FXYD2: variants seen among roughly 807,000 people sequenced by gnomAD.
The protein encoded by FXYD2 is FXYD domain containing ion transport regulator 2, also known as sodium/potassium-transporting ATPase subunit gamma.
Under a neutral mutation model 11.8 loss-of-function variants are expected in FXYD2, and 8 were observed. The ratio of observed to expected loss-of-function variants is 0.68; its 90% confidence interval spans 0.40 to 1.22. FXYD2 has a LOEUF of 1.22. Ranked by LOEUF, FXYD2 falls within the 50% of genes most tolerant of loss-of-function variation. The probability of loss-of-function intolerance (pLI) is 0.01; values close to 1 mark genes in which losing one functional copy is unlikely to be tolerated. For missense variants in FXYD2, 92 were observed against 91.8 expected, an observed-to-expected ratio of 1.00 and a Z score of -0.01; for synonymous variants, 42 against 33.3, an observed-to-expected ratio of 1.26 and a Z score of -0.90.
At position 117,824,637 on chromosome 11, in the gene FXYD2, C is replaced by T; in HGVS notation, c.25+17G>A. ...CCAGCATTGCACACGCCCGGGCACGCACACCAGCACACTCACCACCGTCCA... is the reference window on the plus strand; with the variant it reads ...CCAGCATTGCACACGCCCGGGCACGTACACCAGCACACTCACCACCGTCCA... On this transcript the variant is annotated intron_variant, in intron 1 of 5. Transcript: ENST00000292079. The surrounding 1 kb of genome is among the most constrained non-coding windows in gnomAD (Gnocchi z 4.0). 6.2e-7 allele frequency: 1 copy of T among 1,610,474 alleles called. No individual in the cohort carries two copies. Among genetic ancestry groups the T allele is most frequent in the Non-Finnish European group, 8.5e-7 (1 of 1,176,780 alleles).
At chr11:117,824,876 C>G (rs552368760), upstream of FXYD2, 2 of 699,618 alleles carry the variant, frequency 2.9e-6, no homozygotes, top group Non-Finnish European at 5.0e-6. This position sits in a 1 kb window ranked among gnomAD's most constrained non-coding sequence, Gnocchi z 4.0. Context: ...TGAGGACGTG[C>G]GTGGGGAGGC....
At position 117,820,947 on chromosome 11, in the gene FXYD2, C is replaced by A. The variant is rs768418823; in HGVS notation, c.140-52G>T. On this transcript the variant is annotated intron_variant, in intron 3 of 5. Coordinates refer to ENST00000292079, the MANE Select transcript of FXYD2 (RefSeq NM_001680.5). ...TCCATGGACTAATTTTCCAAGGAGA[C>A]CCTGGAAGACTCAAAATTCTTCCAG... 1.9e-5 allele frequency: 30 copies of A among 1,613,904 alleles called. No individual in the cohort carries two copies. The Admixed American group carries it at 5.0e-4, about 27-fold the overall frequency.
rs1375539969 is a variant in FXYD2, at chr11:117,820,848, G to T, written c.176+11C>A. 6.2e-7 allele frequency: 1 copy of T among 1,613,590 alleles called. No homozygotes were observed. The highest frequency in any genetic ancestry group is 8.5e-7 in the Non-Finnish European group (1 of 1,179,970). On this transcript the variant is annotated intron_variant, in intron 4 of 5. Coordinates refer to ENST00000292079, the MANE Select transcript of FXYD2 (RefSeq NM_001680.5). ...CCAACCCCCTCATCGGTCACCCCAGGCAGCGCTCACCTGCGCTTCTTATTG... is the reference window on the plus strand; with the variant it reads ...CCAACCCCCTCATCGGTCACCCCAGTCAGCGCTCACCTGCGCTTCTTATTG...
At chr11:117,821,832 T>C (rs752708978) in intron 3 of FXYD2, 6 of 995,840 alleles carry the variant, frequency 6.0e-6, no homozygotes, top group Non-Finnish European at 7.2e-6. Flanking sequence ...CAGGTGTGCT[T>C]GCTGTATCTT....
upstream of FXYD2, among the ~76,000 whole-genome samples, chr11:117,827,089 T>G (rs112855458): frequency 0.03 from 53 of 1,754 alleles, no homozygotes; most frequent in African/African-American, 0.05. Flanking sequence ...AATAGAGAGA[T>G]AGATAGATAG....
chr11:117,821,494 T>C (rs1264446680), intron 3 of FXYD2: 3 of 986,086 alleles, frequency 3.0e-6, no homozygotes, highest in East Asian at 1.1e-4. Flanking sequence ...GACTGGGCCA[T>C]CATGGTGCCC....
intron 3 of FXYD2, chr11:117,821,520 G>A (rs1237546775): frequency 5.1e-6 from 5 of 985,808 alleles, no homozygotes; most frequent in Non-Finnish European, 6.0e-6. Flanking sequence ...ACAGCTGCCC[G>A]ATGAACACCT....
upstream of FXYD2, among the ~76,000 whole-genome samples, chr11:117,826,784 CT>C (rs2056046477): frequency 1.1e-5 from 1 of 88,540 alleles, no homozygotes; most frequent in African/African-American, 3.6e-5. Context: ...GTCTGTCTAT[CT>C]ATCTATCTAT....
rs2055990162 is a variant in FXYD2, at chr11:117,824,405, G to A, written c.25+249C>T. On this transcript the variant is annotated intron_variant, in intron 1 of 5. Transcript: ENST00000292079. The surrounding 1 kb of genome is among the most constrained non-coding windows in gnomAD (Gnocchi z 4.0). ...GTGTGCCAGGAGGCCGAGGAGGAAC[G>A]CTCAGCTCTCCAGCTTCTATCTGCT... 2.5e-5 allele frequency: 15 copies of A among 604,096 alleles called. No individual in the cohort carries two copies. Among genetic ancestry groups the A allele is most frequent in the South Asian group, 2.4e-4 (13 of 53,062 alleles). The allele number at this position is 604,096 out of a possible 1,614,324, so 37.4% of individuals were successfully genotyped here. A position where few individuals can be genotyped will look rare whatever the true frequency, so the allele number is the denominator to read the frequency against.
chr11:117,822,774 G>T lies in FXYD2; in HGVS notation c.26-57C>A. The T allele has an allele frequency of 6.3e-7, 1 of 1,586,414 alleles. No homozygotes were observed. Among genetic ancestry groups the T allele is most frequent in the East Asian group, 2.3e-5 (1 of 44,104 alleles). ...GTCACCGATGGTGAGCCAGCCACAG[G>T]AACAGCTGGAATTCCCTGTCCTTCC... On this transcript the variant is annotated intron_variant, in intron 1 of 5. Transcript: ENST00000292079. This position sits in a 1 kb window ranked among gnomAD's most constrained non-coding sequence, Gnocchi z 4.7.
At chr11:117,827,189 C>T (rs1242345245), upstream of FXYD2, among the ~76,000 whole-genome samples, 1 of 152,132 alleles carries the variant, frequency 6.6e-6, no homozygotes, top group Admixed American at 6.5e-5. Flanking sequence ...ATAGGGAAAG[C>T]TAGTTGATGG....
At position 117,822,863 on chromosome 11, in the gene FXYD2, A is replaced by C; in HGVS notation, c.26-146T>G. ...GAGGCTGGGAGCAGGGGTGTTGCTA[A>C]AACCATTGCCAGCAGGCTTCTGCTC... On this transcript the variant is annotated intron_variant, in intron 1 of 5. Transcript: ENST00000292079. The surrounding 1 kb of genome is among the most constrained non-coding windows in gnomAD (Gnocchi z 4.7). 1 of 1,141,070 alleles carries C rather than the reference A, an allele frequency of 8.8e-7. No individual in the cohort carries two copies. Among genetic ancestry groups the C allele is most frequent in the Non-Finnish European group, 1.3e-6 (1 of 791,170 alleles). The allele number at this position is 1,141,070 out of a possible 1,614,324, so 70.7% of individuals were successfully genotyped here.
rs753231266 is a variant in FXYD2 at position 117,824,382 on chromosome 11, G to A, written c.25+272C>T. 1.7e-5 allele frequency: 10 copies of A among 582,794 alleles called. No individual in the cohort carries two copies. Among genetic ancestry groups the A allele is most frequent in the Non-Finnish European group, 2.8e-5 (9 of 324,808 alleles). 36.1% of individuals were successfully genotyped at this position (582,794 alleles called of 1,614,324 possible). A position where few individuals can be genotyped will look rare whatever the true frequency, so the allele number is the denominator to read the frequency against. ...GATGCATTGAACTCAGGGCGGGTGTGTGCCAGGAGGCCGAGGAGGAACGCT... is the reference window on the plus strand; with the variant it reads ...GATGCATTGAACTCAGGGCGGGTGTATGCCAGGAGGCCGAGGAGGAACGCT... On this transcript the variant is annotated intron_variant, in intron 1 of 5. Transcript: ENST00000292079. This position sits in a 1 kb window ranked among gnomAD's most constrained non-coding sequence, Gnocchi z 4.0.
upstream of FXYD2, among the ~76,000 whole-genome samples, chr11:117,826,830 A>ATCTG (rs1230215094): frequency 1.9e-4 from 18 of 96,966 alleles, no homozygotes; most frequent in Non-Finnish European, 1.8e-4. Context: ...CTATCTGTCT[A>ATCTG]TCTATCTATC....
In FXYD2 at chr11:117,820,899, G is replaced by GA. The variant is rs2055885611; in HGVS notation, c.140-5dup. The GA allele has an allele frequency of 6.2e-7, 1 of 1,613,328 alleles. No homozygotes were observed. Among genetic ancestry groups the GA allele is most frequent in the Non-Finnish European group, 8.5e-7 (1 of 1,179,994 alleles). ...CCCCCACAGCGGAATCTTCTGCCTT[G>GA]AAAAGAGAAAAGGAGATTTGTTTCC... On this transcript the variant is annotated splice_polypyrimidine_tract_variant and splice_region_variant and intron_variant, in intron 3 of 5. Coordinates refer to ENST00000292079, the MANE Select transcript of FXYD2 (RefSeq NM_001680.5).
Position 117,822,304 on chromosome 11 carries a change from C to G in FXYD2, c.139+102G>C. The G allele has an allele frequency of 6.5e-7, 1 of 1,546,474 alleles. No individual in the cohort carries two copies. The highest frequency in any genetic ancestry group is 8.7e-7 in the Non-Finnish European group (1 of 1,146,040). The stretch of plus-strand genomic sequence containing the variant: ...TGCAGTGGGGGGCGTGGTGGGGAGG[C>G]TCACCCCTCCCTTGGCAACTCCCGA... On this transcript the variant is annotated intron_variant, in intron 3 of 5. Transcript: ENST00000292079. This position sits in a 1 kb window ranked among gnomAD's most constrained non-coding sequence, Gnocchi z 4.7.
chr11:117,820,605 C>T (rs201566468), intron 5 of FXYD2, 61 bp downstream of exon 5: 3 of 1,604,358 alleles, frequency 1.9e-6, no homozygotes, highest in Non-Finnish European at 2.6e-6. Context: ...CAGAATTCTT[C>T]CCTGTTGCTC....
In FXYD2 at chr11:117,820,188, G is replaced by T; in HGVS notation, c.*191C>A. The T allele has an allele frequency of 6.1e-6, 1 of 162,938 alleles. No homozygotes were observed. Among genetic ancestry groups the T allele is most frequent in the Non-Finnish European group, 1.3e-5 (1 of 75,026 alleles). The allele number at this position is 162,938 out of a possible 1,614,324, so 10.1% of individuals were successfully genotyped here. Reference sequence around the variant, plus strand: ...ACGCCGGCTTTATTATAAGCATGAGGTGGCACGAGGCAGGAGTTGGCGATG... The same window carrying T: ...ACGCCGGCTTTATTATAAGCATGAGTTGGCACGAGGCAGGAGTTGGCGATG... On this transcript the variant is annotated 3_prime_UTR_variant, in exon 6 of 6. Transcript: ENST00000292079.
At chr11:117,826,374 G>T (rs920102952), upstream of FXYD2, among the ~76,000 whole-genome samples, 4 of 152,194 alleles carry the variant, frequency 2.6e-5, no homozygotes, top group Admixed American at 2.0e-4. Flanking sequence ...GATGGACCAC[G>T]TGCCAGGCTC....
Sources: allele counts gnomAD v4.1 joint callset (sites outside exome capture counted in the v4.1 genomes callset), GRCh38; gene constraint gnomAD v4.1.1; non-coding constraint Gnocchi (gnomAD v3.1); transcripts MANE v1.5; gene names NCBI Gene and HGNC (gene_info 2026-07-23, HGNC 2026-07-21).